ZMAT1: variants seen among roughly 807,000 people sequenced by gnomAD.
ZMAT1 encodes zinc finger matrin-type 1.
In ZMAT1, 11 loss-of-function variants were observed where a neutral mutation model predicts 18.5. That is an observed-to-expected ratio of 0.59 (90% CI 0.37 to 0.98). The LOEUF (loss-of-function observed/expected upper bound fraction) is 0.98, where lower values mean the gene tolerates loss of function less well. Ranked by LOEUF, ZMAT1 falls within the 50% of genes least tolerant of loss-of-function variation. The pLI is 0.01. For synonymous variants in ZMAT1, 211 were observed against 176.4 expected, an observed-to-expected ratio of 1.20 and a Z score of -1.55; for missense variants, 525 against 496.2, an observed-to-expected ratio of 1.06 and a Z score of -0.55.
chrX:101,893,434 AT>A (rs1927570209), intron 4 of ZMAT1, among the ~76,000 whole-genome samples: 1 of 111,886 alleles, frequency 8.9e-6, no homozygotes, highest in South Asian at 3.7e-4. Context: ...CTAAATCAAC[AT>A]TCTTCATAAT....
chrX:101,917,872 C>T (rs1929441321), intron 1 of ZMAT1, among the ~76,000 whole-genome samples: 2 of 112,367 alleles, frequency 1.8e-5, no homozygotes, highest in African/African-American at 6.5e-5. Context: ...GAATGAGATT[C>T]AGTCATTTGC....
At position 101,904,272 on chromosome X, in the gene ZMAT1, T is replaced by C; in HGVS notation, c.351A>G (p.Val117=). The C allele has an allele frequency of 1.7e-6, 2 of 1,209,172 alleles. No individual in the cohort carries two copies. The highest frequency in any genetic ancestry group is 2.2e-6 in the Non-Finnish European group (2 of 894,454). The part of the protein sequence containing the change: ...AELFTDKFCQ[V]CGVMLQFESQ... ...ATTCAAACTGTAGCATCACTCCACATACTTGACAAAACTTATCTGTAAAAA... is the reference window on the plus strand; with the variant it reads ...ATTCAAACTGTAGCATCACTCCACACACTTGACAAAACTTATCTGTAAAAA... The change falls in exon 2 of 6, where the codon GTA becomes GTG. Residue 117 remains valine, a synonymous_variant. Transcript: ENST00000651725.
Position 101,898,026 on chromosome X carries a change from C to T in ZMAT1, c.518G>A (p.Gly173Glu). 1 of 1,210,949 alleles carries T rather than the reference C, an allele frequency of 8.3e-7. No homozygotes were observed. The highest frequency in any genetic ancestry group is 1.1e-6 in the Non-Finnish European group (1 of 895,219). ...VENFQVHRYEGVDKNKFCDLC... is the reference protein window; with the variant it reads ...VENFQVHRYEEVDKNKFCDLC... ...ATCACAAAATTTGTTTTTGTCCACT[C>T]CTTCATACCTATGCACCTGAAATAG... The change falls in exon 4 of 6, where the codon GGA (glycine) becomes GAA (glutamate). Residue 173 changes from glycine to glutamate, a missense_variant. Transcript: ENST00000651725.
At chrX:101,918,033 T>G (rs1171658442) in intron 1 of ZMAT1, among the ~76,000 whole-genome samples, 5 of 111,857 alleles carry the variant, frequency 4.5e-5, no homozygotes, top group Non-Finnish European at 7.5e-5. Context: ...TACCAGAGGC[T>G]GGGAATAGTA....
intron 1 of ZMAT1, among the ~76,000 whole-genome samples, chrX:101,925,050 T>A (rs1372052359): frequency 8.1e-5 from 9 of 111,586 alleles, no homozygotes; most frequent in African/African-American, 2.9e-4. Flanking sequence ...TTGAAAAAAA[T>A]AAAAGATAAA....
chrX:101,917,842 G>A (rs1037398533), intron 1 of ZMAT1, among the ~76,000 whole-genome samples: 1 of 112,591 alleles, frequency 8.9e-6, no homozygotes, highest in Non-Finnish European at 1.9e-5. Context: ...ACACAATGGA[G>A]TACTATTCAG....
intron 2 of ZMAT1, among the ~76,000 whole-genome samples, chrX:101,898,645 T>C (rs748602493): frequency 3.6e-5 from 4 of 111,951 alleles, no homozygotes; most frequent in Non-Finnish European, 7.5e-5. Flanking sequence ...GCCCTTATTC[T>C]ACCCTTCTTC....
At chrX:101,910,363 A>G (rs746854320) in intron 1 of ZMAT1, among the ~76,000 whole-genome samples, 18 of 112,235 alleles carry the variant, frequency 1.6e-4, no homozygotes, top group Non-Finnish European at 2.8e-4. Flanking sequence ...TGATGCCCAG[A>G]CACCAAAGAA....
rs753680501 is a variant in ZMAT1 at position 101,912,029 on chromosome X, C to T, written c.293-7699G>A. ...CAGGGACTGTGGAAAGGCCCTTACA[C>T]ACAGCTCCTCCCTTACCAAGCACCA... On this transcript the variant is annotated intron_variant, in intron 1 of 5. Transcript: ENST00000651725. 5.2e-6 allele frequency: 6 copies of T among 1,158,511 alleles called. No homozygotes were observed. The African/African-American group carries it at 1.1e-4, about 21-fold the overall frequency.
intron 5 of ZMAT1, 113 bp from the exon 6 acceptor site, chrX:101,884,934 CAG>C (rs1225766098): frequency 8.5e-6 from 4 of 470,440 alleles, no homozygotes; most frequent in Non-Finnish European, 1.3e-5. Context: ...AAAACCCAAA[CAG>C]ATTTTAAAAA....
At chrX:101,928,837 A>G (rs1057259041) in intron 1 of ZMAT1, among the ~76,000 whole-genome samples, 1 of 112,268 alleles carries the variant, frequency 8.9e-6, no homozygotes, top group African/African-American at 3.2e-5. Context: ...TTTTCTTAAA[A>G]GGAAGAGGTA....
At chrX:101,897,613 G>C (rs1400147695) in intron 4 of ZMAT1, among the ~76,000 whole-genome samples, 3 of 108,325 alleles carry the variant, frequency 2.8e-5, no homozygotes, top group Non-Finnish European at 3.8e-5. Context: ...TAGCAGTATA[G>C]CAAATCACTT....
intron 4 of ZMAT1, chrX:101,895,869 A>G (rs1322903063): frequency 1.3e-6 from 1 of 748,358 alleles, no homozygotes; most frequent in Non-Finnish European, 1.6e-6. Flanking sequence ...CAGAAGTAGT[A>G]AGAGGCACTC....
chrX:101,912,584 A>G (rs1464560693), intron 1 of ZMAT1, among the ~76,000 whole-genome samples: 1 of 111,897 alleles, frequency 8.9e-6, no homozygotes, highest in Non-Finnish European at 1.9e-5. Context: ...ATTCATTCCC[A>G]AATGACAATA....
At position 101,931,404 on chromosome X, in the gene ZMAT1, C is replaced by T. The variant is rs1344419372; in HGVS notation, c.292+313G>A. ...GCTTCCTACAGCACACTAAGGTGTCCTGGCTGGGAGAGAAATTATGTGGTA... is the reference window on the plus strand; with the variant it reads ...GCTTCCTACAGCACACTAAGGTGTCTTGGCTGGGAGAGAAATTATGTGGTA... On this transcript the variant is annotated intron_variant, in intron 1 of 5. Transcript: ENST00000651725. 5.4e-6 allele frequency: 4 copies of T among 742,279 alleles called. No individual in the cohort carries two copies. In the African/African-American group the frequency reaches 9.3e-5, roughly 17 times the overall value. 61.2% of individuals were successfully genotyped at this position (742,279 alleles called of 1,213,427 possible). A position where few individuals can be genotyped will look rare whatever the true frequency, so the allele number is the denominator to read the frequency against.
At chrX:101,919,138 C>T (rs1474062705) in intron 1 of ZMAT1, among the ~76,000 whole-genome samples, 4 of 111,502 alleles carry the variant, frequency 3.6e-5, no homozygotes, top group Non-Finnish European at 7.5e-5. Flanking sequence ...TCAACATCTA[C>T]CTTTTCCTTT....
chrX:101,921,774 A>G (rs1435716530), intron 1 of ZMAT1, among the ~76,000 whole-genome samples: 2 of 111,387 alleles, frequency 1.8e-5, no homozygotes, highest in Non-Finnish European at 3.8e-5. Context: ...AAAATTTACT[A>G]TCTCAACCAT....
chrX:101,891,210 A>C (rs971661930), intron 4 of ZMAT1, among the ~76,000 whole-genome samples: 3 of 111,861 alleles, frequency 2.7e-5, no homozygotes, highest in African/African-American at 6.5e-5. Context: ...TTAACTTTAA[A>C]ACTGGCAAAA....
intron 1 of ZMAT1, among the ~76,000 whole-genome samples, chrX:101,927,168 G>C (rs1930105268): frequency 8.9e-6 from 1 of 112,311 alleles, no homozygotes; most frequent in African/African-American, 3.2e-5. Context: ...AAACTGACTT[G>C]ACCTTTGCAA....
Sources: allele counts gnomAD v4.1 joint callset (sites outside exome capture counted in the v4.1 genomes callset), GRCh38; gene constraint gnomAD v4.1.1; transcripts MANE v1.5; gene names NCBI Gene and HGNC (gene_info 2026-07-23, HGNC 2026-07-21).